GRM7: variants seen among roughly 807,000 people sequenced by gnomAD.
GRM7 encodes the protein metabotropic glutamate receptor 7.
Under a neutral mutation model 84.5 loss-of-function variants are expected in GRM7, and 35 were observed. The observed-to-expected ratio is 0.41, with a 90% CI of 0.32 to 0.55. GRM7 has a LOEUF of 0.55. Ranked by LOEUF, GRM7 falls within the 20% of genes least tolerant of loss-of-function variation. The pLI, the probability that GRM7 is intolerant of heterozygous loss-of-function variation, is 0.19. For missense variants in GRM7, 1,003 were observed against 1,194.6 expected (o/e 0.84, Z 2.36); for synonymous variants, 487 against 455.1 (o/e 1.07, Z -0.89).
At chr3:7,245,792 C>A (rs574883925) in intron 2 of GRM7, among the ~76,000 whole-genome samples, 1 of 151,994 alleles carries the variant, frequency 6.6e-6, no homozygotes, top group East Asian at 1.9e-4. Flanking sequence ...CTATTTTTTT[C>A]TATTCTTATA....
intron 1 of GRM7, among the ~76,000 whole-genome samples, chr3:7,040,462 C>G (rs1338817331): frequency 3.3e-5 from 5 of 151,926 alleles, no homozygotes; most frequent in Non-Finnish European, 5.9e-5. Flanking sequence ...GCCACCATGC[C>G]CAGCTAATTT....
At chr3:7,305,174 T>C (rs953320460) in intron 3 of GRM7, among the ~76,000 whole-genome samples, 1 of 152,186 alleles carries the variant, frequency 6.6e-6, no homozygotes, top group Non-Finnish European at 1.5e-5. Flanking sequence ...TCAATTTCTA[T>C]TATACTGACT....
intron 2 of GRM7, among the ~76,000 whole-genome samples, chr3:7,212,919 G>C (rs1213152387): frequency 6.6e-6 from 1 of 152,204 alleles, no homozygotes; most frequent in African/African-American, 2.4e-5. Flanking sequence ...CCAGTGAATA[G>C]TGGCTGGAGT....
chr3:7,277,301 T>C (rs1476364792), intron 2 of GRM7, among the ~76,000 whole-genome samples: 1 of 152,026 alleles, frequency 6.6e-6, no homozygotes, highest in Non-Finnish European at 1.5e-5. Context: ...AGATTAATAA[T>C]GCTTTTTTTT....
intron 9 of GRM7, among the ~76,000 whole-genome samples, chr3:7,718,124 T>G (rs1701829084): frequency 6.6e-6 from 1 of 152,188 alleles, no homozygotes; most frequent in Admixed American, 6.5e-5. Context: ...TGCCTCTCTT[T>G]TCCCATCTGC....
In GRM7 at chr3:7,501,129, A is replaced by C. The variant is rs368977363; in HGVS notation, c.1515+39407A>C. On this transcript the variant is annotated intron_variant, in intron 7 of 9. Transcript: ENST00000357716. ...TTTATTATTGAGTACCTAAAATATA[A>C]TGCCAGATACTGTCTAAGCATGTTC... Among the ~76,000 whole-genome samples the C allele has an allele frequency of 9.5e-4, 145 of 152,354 alleles. 3 individuals are homozygous for C. In the South Asian group the frequency reaches 0.025, roughly 27 times the overall value.
chr3:7,398,757 G>A (rs1053899986), intron 4 of GRM7, among the ~76,000 whole-genome samples: 2 of 152,104 alleles, frequency 1.3e-5, no homozygotes, highest in East Asian at 3.9e-4. Context: ...AATGACATAA[G>A]AGCCTTAAAC....
intron 1 of GRM7, among the ~76,000 whole-genome samples, chr3:6,918,822 G>A (rs923283364): frequency 6.6e-6 from 1 of 152,158 alleles, no homozygotes; most frequent in South Asian, 2.1e-4. Context: ...GCCATGGTGC[G>A]TTGTGATTTT....
intron 1 of GRM7, among the ~76,000 whole-genome samples, chr3:7,064,305 GCCCC>G: frequency 6.7e-6 from 1 of 149,944 alleles, no homozygotes; most frequent in South Asian, 2.1e-4. Context: ...GCATAGCTTA[GCCCC>G]CACATATCAG....
intron 1 of GRM7, among the ~76,000 whole-genome samples, chr3:7,108,361 A>G (rs1027597846): frequency 2.0e-5 from 3 of 152,090 alleles, no homozygotes; most frequent in Non-Finnish European, 2.9e-5. Context: ...GGCTTTGTGA[A>G]GAATTGGAAT....
At chr3:6,915,772 G>A (rs1696921246) in intron 1 of GRM7, among the ~76,000 whole-genome samples, 1 of 152,068 alleles carries the variant, frequency 6.6e-6, no homozygotes, top group African/African-American at 2.4e-5. Flanking sequence ...CAACTAATGG[G>A]CTTGATACTC....
chr3:7,438,881 G>A (rs771564071), intron 5 of GRM7, among the ~76,000 whole-genome samples: 32 of 152,032 alleles, frequency 2.1e-4, no homozygotes, highest in Admixed American at 1.0e-3. Flanking sequence ...GCAAGATATC[G>A]GGGGTGGAAG....
chr3:7,395,034 G>C (rs1695152683), intron 4 of GRM7, among the ~76,000 whole-genome samples: 1 of 68,188 alleles, frequency 1.5e-5, no homozygotes, highest in Admixed American at 1.3e-4. Flanking sequence ...GTGAAACTCT[G>C]TCTCAAAAAA....
chr3:7,566,803 GAAAA>G (rs955388704), intron 7 of GRM7, among the ~76,000 whole-genome samples: 1 of 150,788 alleles, frequency 6.6e-6, no homozygotes, highest in Non-Finnish European at 1.5e-5. Context: ...CTTCCAGGGG[GAAAA>G]AAAAAATGGT....
chr3:7,569,279 A>G (rs1575504442), intron 7 of GRM7, among the ~76,000 whole-genome samples: 1 of 152,104 alleles, frequency 6.6e-6, no homozygotes, highest in Admixed American at 6.5e-5. Context: ...AAACACACCA[A>G]TCAGTACCCT....
chr3:7,139,133 A>G (rs1272292208), intron 1 of GRM7, among the ~76,000 whole-genome samples: 1 of 148,116 alleles, frequency 6.8e-6, no homozygotes, highest in Non-Finnish European at 1.5e-5. Context: ...TACTATATAG[A>G]TACTATATGA....
chr3:6,911,836 A>G (rs1270645961), intron 1 of GRM7, among the ~76,000 whole-genome samples: 8 of 152,326 alleles, frequency 5.3e-5, no homozygotes, highest in Non-Finnish European at 1.2e-4. Context: ...AGAGAGATTA[A>G]TTTAGGCTTA....
At chr3:7,606,170 G>A (rs556927099) in intron 8 of GRM7, among the ~76,000 whole-genome samples, 4 of 152,230 alleles carry the variant, frequency 2.6e-5, no homozygotes, top group Non-Finnish European at 5.9e-5. Flanking sequence ...TTTATCTAGG[G>A]AAGCCTGAGC....
At chr3:7,508,914 G>A (rs184349500) in intron 7 of GRM7, among the ~76,000 whole-genome samples, 3 of 152,306 alleles carry the variant, frequency 2.0e-5, no homozygotes, top group Non-Finnish European at 2.9e-5. Flanking sequence ...AGAGGCAGAA[G>A]TTTGGAACTC....
Sources: allele counts gnomAD v4.1 joint callset (sites outside exome capture counted in the v4.1 genomes callset), GRCh38; gene constraint gnomAD v4.1.1; transcripts MANE v1.5; gene names NCBI Gene and HGNC (gene_info 2026-07-23, HGNC 2026-07-21).